Variants in CACNA1H observed in about 807,000 individuals in gnomAD.
CACNA1H encodes the protein calcium voltage-gated channel subunit alpha1 H.
CACNA1H carries 149 observed loss-of-function variants against 192.5 expected under a neutral mutation model. The observed-to-expected ratio is 0.77, with a 90% CI of 0.68 to 0.89. The LOEUF is 0.89. Among genes scored for constraint, CACNA1H ranks in the 40% least tolerant of loss-of-function variants. The pLI, the probability that CACNA1H is intolerant of heterozygous loss-of-function variation, is 0.00. For missense variants in CACNA1H, 4,257 were observed against 3,423.5 expected (o/e 1.24, Z -6.08); for synonymous variants, 2,202 against 1,475.2 (o/e 1.49, Z -11.29).
At chr16:1,162,642 G>T (rs933160949) in intron 2 of CACNA1H, among the ~76,000 whole-genome samples, 5 of 150,354 alleles carry the variant, frequency 3.3e-5, no homozygotes, top group African/African-American at 7.4e-5. Flanking sequence ...CCTGGAGTGG[G>T]GGGGGGGGGT....
At chr16:1,207,560 G>C in intron 14 of CACNA1H, 130 bp downstream of exon 14, 1 of 1,134,224 alleles carries the variant, frequency 8.8e-7, no homozygotes, top group South Asian at 1.5e-5. Flanking sequence ...GCTGCCATGA[G>C]GAGAGGGGAG....
At chr16:1,187,189 G>A (rs1415344536) in intron 2 of CACNA1H, among the ~76,000 whole-genome samples, 1 of 152,270 alleles carries the variant, frequency 6.6e-6, no homozygotes, top group Non-Finnish European at 1.5e-5. Flanking sequence ...GCGTTCCTGA[G>A]AATGAGGGGC....
chr16:1,217,762 C>T (rs563457177), intron 31 of CACNA1H, among the ~76,000 whole-genome samples, 157 bp from the exon 32 acceptor site: 19 of 152,374 alleles, frequency 1.2e-4, no homozygotes, highest in African/African-American at 4.1e-4. Context: ...CCAGGGTCAC[C>T]CTCTGCCAGG....
intron 26 of CACNA1H, 51 bp downstream of exon 26, chr16:1,212,579 C>G (rs373806172): frequency 6.3e-7 from 1 of 1,579,872 alleles, no homozygotes; most frequent in Non-Finnish European, 8.6e-7. Flanking sequence ...GGCCGCTGCT[C>G]GGGGAAGGGC....
chr16:1,217,691 T>C (rs746835928), intron 31 of CACNA1H, among the ~76,000 whole-genome samples: 30 of 152,070 alleles, frequency 2.0e-4, no homozygotes, highest in Non-Finnish European at 3.4e-4. Flanking sequence ...CCGCCAGGCC[T>C]GATGAGCCCC....
Position 1,195,418 on chromosome 16 carries a change from G to A in CACNA1H, c.412-14G>A. 2 of 1,551,096 alleles carry A rather than the reference G, an allele frequency of 1.3e-6. No individual in the cohort carries two copies. The highest frequency in any genetic ancestry group is 1.7e-6 in the Non-Finnish European group (2 of 1,146,954). On this transcript the variant is annotated splice_polypyrimidine_tract_variant and intron_variant, in intron 3 of 34. Coordinates refer to ENST00000348261, the MANE Select transcript of CACNA1H (RefSeq NM_021098.3). ...GAGCTGTTCCACGGGCCCTCCTGAT[G>A]CCTCCTCCCGCAGGCCTTTGACGCC...
chr16:1,181,731 C>T (rs1386276471), intron 2 of CACNA1H, among the ~76,000 whole-genome samples: 3 of 152,210 alleles, frequency 2.0e-5, no homozygotes, highest in Non-Finnish European at 4.4e-5. Context: ...TGCGAGCCAA[C>T]CTCTCCTTTC....
chr16:1,219,467 G>T (rs1165554925), intron 34 of CACNA1H, among the ~76,000 whole-genome samples: 1 of 152,068 alleles, frequency 6.6e-6, no homozygotes, highest in African/African-American at 2.4e-5. Flanking sequence ...ACGGCGGGCA[G>T]ATGGCAGTTT....
At position 1,209,020 on chromosome 16, in the gene CACNA1H, G is replaced by A. The variant is rs749071723; in HGVS notation, c.3364-12G>A. 17 of 1,483,516 alleles carry A rather than the reference G, an allele frequency of 1.1e-5. No individual in the cohort carries two copies. Among genetic ancestry groups the A allele is most frequent in the Admixed American group, 7.1e-5 (3 of 42,166 alleles). The allele number at this position is 1,483,516 out of a possible 1,614,324, so 91.9% of individuals were successfully genotyped here. On this transcript the variant is annotated splice_polypyrimidine_tract_variant and intron_variant, in intron 16 of 34. Coordinates refer to ENST00000348261, the MANE Select transcript of CACNA1H (RefSeq NM_021098.3). ...TGATGCCACCAGGTCACTGACTCCC[G>A]CCACCCCCCAGGCCAGCCTCCGAAG...
Position 1,205,975 on chromosome 16 carries a change from C to T in CACNA1H, c.2604-129C>T, listed in dbSNP as rs78224739. 2.4e-4 allele frequency: 197 copies of T among 828,532 alleles called. No individual in the cohort carries two copies. In the East Asian group the frequency reaches 4.0e-3, roughly 17 times the overall value. 51.3% of individuals were successfully genotyped at this position (828,532 alleles called of 1,614,324 possible). A position where few individuals can be genotyped will look rare whatever the true frequency, so the allele number is the denominator to read the frequency against. ...GTTCATGCACCTTGATGCAGCCATA[C>T]CCTCTCCCATCTGTGGGATGCAGCA... On this transcript the variant is annotated intron_variant, in intron 11 of 34. Transcript: ENST00000348261.
intron 2 of CACNA1H, among the ~76,000 whole-genome samples, chr16:1,175,330 C>T (rs1964773563): frequency 6.6e-6 from 1 of 152,166 alleles, no homozygotes; most frequent in Non-Finnish European, 1.5e-5. Flanking sequence ...CCCGGGAGGG[C>T]CACTCACCTT....
intron 2 of CACNA1H, among the ~76,000 whole-genome samples, chr16:1,163,884 G>A (rs1466498879): frequency 6.6e-6 from 1 of 152,224 alleles, no homozygotes; most frequent in Admixed American, 6.5e-5. Context: ...GGGCTATGTG[G>A]CGGCCACCTC....
At chr16:1,207,649 A>G (rs1596444104) in intron 14 of CACNA1H, 121 bp from the exon 15 acceptor site, 2 of 981,432 alleles carry the variant, frequency 2.0e-6, no homozygotes, top group Non-Finnish European at 3.1e-6. Context: ...TGGCAGTGAC[A>G]TCATCCTCTG....
rs371376253 is a variant in CACNA1H at position 1,212,480 on chromosome 16, C to T, written c.4760-31C>T. 4.0e-5 allele frequency: 64 copies of T among 1,606,178 alleles called. No individual in the cohort carries two copies. In the African/African-American group the frequency reaches 4.8e-4, roughly 12 times the overall value. On this transcript the variant is annotated intron_variant, in intron 25 of 34. Coordinates refer to ENST00000348261, the MANE Select transcript of CACNA1H (RefSeq NM_021098.3). ...TCCAGGCCCGAGTGCGCCACGCCCT[C>T]GGCCCTCAGACCATCTCCTTGTCTT...
In CACNA1H at chr16:1,179,313, G is replaced by A. The variant is rs556788965; in HGVS notation, c.300-15659G>A. Among the ~76,000 whole-genome samples the A allele has an allele frequency of 2.0e-5, 3 of 152,288 alleles. No individual in the cohort carries two copies. In the South Asian group the frequency reaches 6.2e-4, roughly 32 times the overall value. On this transcript the variant is annotated intron_variant, in intron 2 of 34. Coordinates refer to ENST00000348261, the MANE Select transcript of CACNA1H (RefSeq NM_021098.3). ...GGGGGTCCCTGACCTCAGTCACCAGGCTGTGGTGGACGGAAACCCTGGCTG... is the reference window on the plus strand; with the variant it reads ...GGGGGTCCCTGACCTCAGTCACCAGACTGTGGTGGACGGAAACCCTGGCTG...
intron 26 of CACNA1H, among the ~76,000 whole-genome samples, chr16:1,213,431 T>C (rs1407049389): frequency 6.6e-6 from 1 of 151,892 alleles, no homozygotes; most frequent in African/African-American, 2.4e-5. Flanking sequence ...GGGGGAGCCA[T>C]CTCAGCTTCA....
chr16:1,174,526 G>A (rs1438215473), intron 2 of CACNA1H, among the ~76,000 whole-genome samples: 1 of 152,058 alleles, frequency 6.6e-6, no homozygotes, highest in African/African-American at 2.4e-5. Flanking sequence ...GAGGGAGGGA[G>A]GGAAGGAAGG....
chr16:1,201,860 G>C lies in CACNA1H; in HGVS notation c.1410G>C (p.Lys470Asn). The C allele has an allele frequency of 6.4e-7, 1 of 1,560,468 alleles. No homozygotes were observed. The highest frequency in any genetic ancestry group is 1.4e-5 in the African/African-American group (1 of 73,670). ...LLKYVGHIFRKVKRRSLRLYA... is the reference protein window; with the variant it reads ...LLKYVGHIFRNVKRRSLRLYA... ...AGTACGTGGGCCACATATTCCGCAA[G>C]GTCAAGCGGCGCAGCTTGCGCCTCT... The change falls in exon 9 of 35, where the codon AAG (lysine) becomes AAC (asparagine). Residue 470 changes from lysine to asparagine, a missense_variant. Physicochemically the swap from Lys to Asn is moderately conservative, Grantham distance 94 (BLOSUM62 0). Transcript: ENST00000348261.
At chr16:1,194,899 G>C in intron 2 of CACNA1H, 73 bp from the exon 3 acceptor site, 1 of 1,105,292 alleles carries the variant, frequency 9.0e-7, no homozygotes, top group Non-Finnish European at 1.4e-6. Context: ...CGGCTGACCG[G>C]GTGGGCATTT....
Sources: allele counts gnomAD v4.1 joint callset (sites outside exome capture counted in the v4.1 genomes callset), GRCh38; gene constraint gnomAD v4.1.1; transcripts MANE v1.5; gene names NCBI Gene and HGNC (gene_info 2026-07-23, HGNC 2026-07-21).